FOXP2: variants seen among roughly 807,000 people sequenced by gnomAD.
The protein encoded by FOXP2 is forkhead box P2, also known as forkhead box protein P2.
FOXP2 carries 12 observed loss-of-function variants against 115.8 expected under a neutral mutation model. The ratio of observed to expected loss-of-function variants is 0.10; its 90% CI spans 0.07 to 0.17. The LOEUF (loss-of-function observed/expected upper bound fraction) is 0.17, where lower values mean the gene tolerates loss of function less well. Among genes scored for constraint, FOXP2 ranks in the 10% least tolerant of loss-of-function variants. The probability of loss-of-function intolerance (pLI) is 1.00; values close to 1 mark genes in which losing one functional copy is unlikely to be tolerated. For missense variants in FOXP2, 629 were observed against 843.5 expected (o/e 0.75, Z 3.15); for synonymous variants, 328 against 297.7 (o/e 1.10, Z -1.05).
chr7:114,357,361 G>A (rs887384690), intron 2 of FOXP2, among the ~76,000 whole-genome samples: 9 of 152,270 alleles, frequency 5.9e-5, no homozygotes, highest in East Asian at 3.9e-4. Context: ...TAATGGAGAC[G>A]TATTGATTCA....
intron 2 of FOXP2, among the ~76,000 whole-genome samples, chr7:114,488,496 G>A (rs1293585760): frequency 6.6e-6 from 1 of 151,990 alleles, no homozygotes; most frequent in Non-Finnish European, 1.5e-5. Context: ...TAAAACTCAG[G>A]TTTTTGAGAT....
At chr7:114,461,215 C>G (rs888680452) in intron 2 of FOXP2, among the ~76,000 whole-genome samples, 2 of 152,096 alleles carry the variant, frequency 1.3e-5, no homozygotes, top group South Asian at 4.1e-4. Flanking sequence ...ACAAAGAAAA[C>G]AGTTTTATCT....
At position 114,491,307 on chromosome 7, in the gene FOXP2, T is replaced by C. The variant is rs577474913; in HGVS notation, c.169-43310T>C. On this transcript the variant is annotated intron_variant, in intron 2 of 16. Transcript: ENST00000350908. ...CTTTTGGCTGCATAAATGTCTTCTT[T>C]GGAGAAGTGTCTGTTCATGTCCTTC... Among the ~76,000 whole-genome samples, 4 of 152,388 alleles carry C rather than the reference T, an allele frequency of 2.6e-5. No homozygotes were observed. In the East Asian group the frequency reaches 7.7e-4, roughly 29 times the overall value.
chr7:114,223,535 T>C (rs1406495152), intron 1 of FOXP2, among the ~76,000 whole-genome samples: 1 of 148,048 alleles, frequency 6.8e-6, no homozygotes, highest in Non-Finnish European at 1.5e-5. Context: ...TATATATATA[T>C]GTGCTTTGTT....
At chr7:114,211,298 G>T (rs891271052) in intron 1 of FOXP2, among the ~76,000 whole-genome samples, 2 of 152,184 alleles carry the variant, frequency 1.3e-5, no homozygotes, top group African/African-American at 4.8e-5. Flanking sequence ...ACCCTGCTGA[G>T]AATCCACACA....
chr7:114,638,687 C>T (rs946434382), intron 6 of FOXP2, among the ~76,000 whole-genome samples: 1 of 152,148 alleles, frequency 6.6e-6, no homozygotes, highest in Non-Finnish European at 1.5e-5. Flanking sequence ...GCTTCAAAAA[C>T]TACTAATGCC....
At chr7:114,499,995 C>A (rs1213399764) in intron 2 of FOXP2, among the ~76,000 whole-genome samples, 10 of 152,008 alleles carry the variant, frequency 6.6e-5, no homozygotes, top group South Asian at 6.2e-4. Context: ...GTGGGTGGAT[C>A]ACGAGGTCAG....
rs2129355059 is a variant in FOXP2 at position 114,691,151 on chromosome 7, TTTTTGTTTTC to T, written c.*1226_*1235del. ...ATTGTTATATATATAGTACTTTGTG[TTTTTGTTTTC>T]CCTCATTCAGTCAGTTATTTTCAGT... On this transcript the variant is annotated 3_prime_UTR_variant, in exon 17 of 17. Transcript: ENST00000350908. 2.2e-6 allele frequency: 1 copy of T among 454,042 alleles called. No individual in the cohort carries two copies. Among genetic ancestry groups the T allele is most frequent in the African/African-American group, 2.0e-5 (1 of 50,128 alleles). 28.1% of individuals were successfully genotyped at this position (454,042 alleles called of 1,614,324 possible).
chr7:114,150,225 G>T lies in FOXP2; in HGVS notation c.-246-12719G>T, dbSNP rs535751242. Among the ~76,000 whole-genome samples the T allele has an allele frequency of 7.9e-5, 12 of 152,064 alleles. No homozygotes were observed. In the East Asian group the frequency reaches 2.1e-3, roughly 27 times the overall value. On this transcript the variant is annotated intron_variant, in intron 1 of 19. Transcript: ENST00000635638. ...GGATGAAGAGATAGTTATCTTTTTA[G>T]CATGCAACAAAAGCAGGGTGGGGCC...
intron 3 of FOXP2, among the ~76,000 whole-genome samples, chr7:114,588,097 C>G (rs1055247925): frequency 1.3e-5 from 2 of 151,640 alleles, no homozygotes; most frequent in African/African-American, 4.8e-5. Context: ...ATCACGAGGT[C>G]AGGAGATCGA....
At chr7:114,543,438 T>C (rs972100853) in intron 3 of FOXP2, among the ~76,000 whole-genome samples, 2 of 152,220 alleles carry the variant, frequency 1.3e-5, no homozygotes, top group African/African-American at 4.8e-5. Flanking sequence ...ATACTGTCCT[T>C]GGTTTGAACC....
At chr7:114,158,809 CCTT>C (rs1431799896), upstream of FOXP2, among the ~76,000 whole-genome samples, 3 of 152,002 alleles carry the variant, frequency 2.0e-5, no homozygotes, top group East Asian at 5.8e-4. Context: ...TTTTATGTTG[CCTT>C]GGAGTTTTCC....
chr7:114,654,194 A>G, intron 10 of FOXP2, 185 bp downstream of exon 10: 1 of 1,378,408 alleles, frequency 7.3e-7, no homozygotes, highest in Non-Finnish European at 9.6e-7. Flanking sequence ...CTTTTACAAA[A>G]TCTATCCAAT....
At chr7:114,569,418 G>A (rs1007424921) in intron 3 of FOXP2, among the ~76,000 whole-genome samples, 1 of 151,872 alleles carries the variant, frequency 6.6e-6, no homozygotes, top group Admixed American at 6.6e-5. Flanking sequence ...TACCTCATTA[G>A]TACCATGTGC....
intron 2 of FOXP2, among the ~76,000 whole-genome samples, chr7:114,509,941 C>T (rs1797994409): frequency 6.6e-6 from 1 of 151,770 alleles, no homozygotes; most frequent in African/African-American, 2.4e-5. Context: ...AAAAGGTGCT[C>T]ACAAACACTT....
chr7:114,391,759 C>T (rs1373302978), intron 2 of FOXP2, among the ~76,000 whole-genome samples: 1 of 152,148 alleles, frequency 6.6e-6, no homozygotes, highest in Non-Finnish European at 1.5e-5. Context: ...ATCAACTGAT[C>T]TTGTTGTAAG....
chr7:114,487,243 G>A (rs1019233303), intron 2 of FOXP2, among the ~76,000 whole-genome samples: 3 of 152,322 alleles, frequency 2.0e-5, no homozygotes, highest in Admixed American at 6.5e-5. Context: ...CAGCTGCCAA[G>A]GCTTGGGGCT....
intron 2 of FOXP2, among the ~76,000 whole-genome samples, chr7:114,341,070 A>T (rs1791193049): frequency 6.6e-6 from 1 of 151,318 alleles, no homozygotes; most frequent in Admixed American, 6.6e-5. Flanking sequence ...TTATCTGGAA[A>T]GCATAAATTA....
At chr7:114,538,571 T>C (rs1799504782) in intron 3 of FOXP2, among the ~76,000 whole-genome samples, 1 of 151,666 alleles carries the variant, frequency 6.6e-6, no homozygotes, top group Admixed American at 6.6e-5. Context: ...GAATTAAACT[T>C]GGGGGTCTTA....
Sources: gnomAD v4.1 joint callset for allele counts (sites outside exome capture counted in the v4.1 genomes callset) on GRCh38, gnomAD v4.1.1 for gene constraint, MANE v1.5 for transcripts, NCBI Gene and HGNC (gene_info 2026-07-23, HGNC 2026-07-21) for gene names.